Variants in OTOG observed in about 807,000 individuals in gnomAD.
The protein encoded by OTOG is otogelin.
A neutral mutation model predicts 313.8 loss-of-function variants in OTOG; 296 were observed. The observed-to-expected ratio is 0.94, with a 90% CI of 0.86 to 1.04. The LOEUF (loss-of-function observed/expected upper bound fraction) is 1.04. OTOG is among the 50% of genes least tolerant of loss of function. The pLI, the probability that OTOG is intolerant of heterozygous loss-of-function variation, is 0.00. For synonymous variants in OTOG, 1,533 were observed against 1,554.9 expected, an observed-to-expected ratio of 0.99 and a Z score of 0.33; for missense variants, 3,948 against 3,840.1, an observed-to-expected ratio of 1.03 and a Z score of -0.74.
intron 33 of OTOG, among the ~76,000 whole-genome samples, chr11:17,606,373 CT>C (rs1489938987): frequency 6.6e-6 from 1 of 152,278 alleles, no homozygotes; most frequent in Non-Finnish European, 1.5e-5. Context: ...GTCCTGCCTT[CT>C]GCCACAGGCC....
chr11:17,590,932 C>A (rs1852916457), intron 24 of OTOG, among the ~76,000 whole-genome samples: 1 of 152,226 alleles, frequency 6.6e-6, no homozygotes, highest in Admixed American at 6.5e-5. Context: ...ACCCACATTC[C>A]CAGTGACCTG....
chr11:17,607,119 G>C (rs76732718), intron 33 of OTOG, among the ~76,000 whole-genome samples: 10 of 152,242 alleles, frequency 6.6e-5, no homozygotes, highest in Admixed American at 6.5e-4. Flanking sequence ...TATTTGTCTC[G>C]GAAGTGTGCT....
At chr11:17,577,340 C>T (rs1207016813) in intron 22 of OTOG, among the ~76,000 whole-genome samples, 1 of 151,934 alleles carries the variant, frequency 6.6e-6, no homozygotes, top group Non-Finnish European at 1.5e-5. Context: ...TGAGACCCTC[C>T]TAGGCAACAG....
At position 17,548,192 on chromosome 11, in the gene OTOG, G is replaced by A. The variant is rs1488057673; in HGVS notation, c.196G>A (p.Ala66Thr). Residue 66 changes from alanine (A) to threonine (T), a missense_variant, in exon 3 of 56, where the codon GCT becomes ACT. Transcript: ENST00000399397. ...GGCGACCCTTGCCATGGGGGACAAG[G>A]CTACAGTCGTGGGAGGCCAGGTAAG... Reference protein sequence around the residue: ...QEATLAMGDKATVVGGQQAEA... With the variant: ...QEATLAMGDKTTVVGGQQAEA... 6 of 1,548,114 alleles carry A rather than the reference G, an allele frequency of 3.9e-6. No individual in the cohort carries two copies. The highest frequency in any genetic ancestry group is 4.4e-6 in the Non-Finnish European group (5 of 1,145,666).
chr11:17,581,531 C>G (rs1852665050), intron 23 of OTOG, among the ~76,000 whole-genome samples: 1 of 152,224 alleles, frequency 6.6e-6, no homozygotes, highest in South Asian at 2.1e-4. Flanking sequence ...TTGGGAGTTT[C>G]TCAACAAAAT....
At chr11:17,606,879 C>T (rs199732809) in intron 33 of OTOG, among the ~76,000 whole-genome samples, 12 of 152,312 alleles carry the variant, frequency 7.9e-5, no homozygotes, top group East Asian at 3.9e-4. Flanking sequence ...GGTCAGTTAT[C>T]GAGTCTGCCC....
chr11:17,599,628 C>T (rs1455554516), intron 30 of OTOG, 43 bp from the exon 31 acceptor site: 4 of 1,549,166 alleles, frequency 2.6e-6, no homozygotes, highest in Admixed American at 2.0e-5. Flanking sequence ...CTGTTCCAGG[C>T]TCTGGGCTGG....
intron 6 of OTOG, 23 bp from the exon 7 acceptor site, chr11:17,555,756 C>T: frequency 6.5e-7 from 1 of 1,542,418 alleles, no homozygotes; most frequent in Non-Finnish European, 8.8e-7. Context: ...GCCTGCAAAC[C>T]AGCCTCTGAA....
chr11:17,635,513 C>A, intron 46 of OTOG, 97 bp from the exon 47 acceptor site: 1 of 900,892 alleles, frequency 1.1e-6, no homozygotes, highest in Non-Finnish European at 1.8e-6. Context: ...TCCTGCCACA[C>A]CTGGGTTGTT....
At chr11:17,605,466 C>T (rs546696479) in intron 32 of OTOG, among the ~76,000 whole-genome samples, 3 of 152,224 alleles carry the variant, frequency 2.0e-5, no homozygotes, top group Non-Finnish European at 4.4e-5. Flanking sequence ...GCAACCCCAT[C>T]AGGGCAGTTG....
intron 30 of OTOG, among the ~76,000 whole-genome samples, 196 bp downstream of exon 30, chr11:17,597,203 TGAA>T (rs539776795): frequency 1.7e-3 from 257 of 152,306 alleles, no homozygotes; most frequent in African/African-American, 6.0e-3. Flanking sequence ...ATTTTACAGT[TGAA>T]GAAACAGCCT....
At chr11:17,548,527 G>C (rs1851861745) in intron 3 of OTOG, among the ~76,000 whole-genome samples, 1 of 142,586 alleles carries the variant, frequency 7.0e-6, no homozygotes, top group African/African-American at 2.6e-5. Context: ...AAAGTAGAAA[G>C]ATGGACGTTT....
At position 17,576,571 on chromosome 11, in the gene OTOG, C is replaced by A. The variant is rs1202563180; in HGVS notation, c.2502C>A (p.Cys834Ter). The A allele has an allele frequency of 6.4e-7, 1 of 1,550,464 alleles. No individual in the cohort carries two copies. Among genetic ancestry groups the A allele is most frequent in the Non-Finnish European group, 8.7e-7 (1 of 1,146,832 alleles). ...DLCVPRNQCS[C>*]HFQGVDYPPG... is the part of the protein sequence containing the mutation. ...TTTTTTATAGGAACCAGTGCTCCTG[C>A]CACTTCCAGGGAGTGGACTATCCCC... Residue 834 changes from cysteine to a stop codon, truncating the protein, a stop_gained, in exon 21 of 56, where the codon TGC becomes TGA. Transcript: ENST00000399397. LOFTEE classifies it high-confidence loss of function.
chr11:17,555,572 T>A (rs2134001986), intron 6 of OTOG: 1 of 473,208 alleles, frequency 2.1e-6, no homozygotes, highest in East Asian at 3.2e-5. Flanking sequence ...TTTCCTAGTT[T>A]TCTGTGTGTG....
rs1318684484 is a variant in OTOG, at chr11:17,578,376, C to A, written c.2609C>A (p.Ala870Asp). 6.6e-7 allele frequency: 1 copy of A among 1,508,080 alleles called. No individual in the cohort carries two copies. The highest frequency in any genetic ancestry group is 1.4e-5 in the African/African-American group (1 of 72,120). 93.4% of individuals were successfully genotyped at this position (1,508,080 alleles called of 1,614,324 possible). A position where few individuals can be genotyped will look rare whatever the true frequency, so the allele number is the denominator to read the frequency against. Reference sequence around the variant, plus strand: ...CTCCCATCTTCTTCTCTTCCAGCTGCTGCCTGCCCAGCAGGCCAGGTCTTC... The same window carrying A: ...CTCCCATCTTCTTCTCTTCCAGCTGATGCCTGCCCAGCAGGCCAGGTCTTC... ...VMSCDSRAPA[A>D]ACPAGQVFVN... The change falls in exon 23 of 56, where the codon GCT becomes GAT. Residue 870 changes from alanine (A) to aspartate (D), a missense_variant. Transcript: ENST00000399397.
intron 18 of OTOG, 145 bp downstream of exon 18, chr11:17,572,349 A>C: frequency 5.0e-6 from 6 of 1,207,404 alleles, no homozygotes; most frequent in Non-Finnish European, 6.8e-6. Context: ...AGGGAGGGGA[A>C]AGGAGAGACA....
At chr11:17,589,751 G>A (rs538821618) in intron 24 of OTOG, among the ~76,000 whole-genome samples, 2 of 152,038 alleles carry the variant, frequency 1.3e-5, no homozygotes, top group African/African-American at 2.4e-5. Flanking sequence ...AGCCCTTTCG[G>A]TCAGGCATTT....
At chr11:17,602,538 TCTC>T (rs1326964569) in intron 32 of OTOG, among the ~76,000 whole-genome samples, 161 bp downstream of exon 32, 2 of 152,006 alleles carry the variant, frequency 1.3e-5, no homozygotes, top group Non-Finnish European at 2.9e-5. Context: ...GTCAGCTTCT[TCTC>T]CTCTGCAGAG....
intron 25 of OTOG, among the ~76,000 whole-genome samples, chr11:17,592,706 T>C (rs957464189): frequency 6.6e-6 from 1 of 152,092 alleles, no homozygotes; most frequent in African/African-American, 2.4e-5. Context: ...TGCCCTCGAG[T>C]TTGCTTTATT....
Sources: gnomAD v4.1 joint callset for allele counts (sites outside exome capture counted in the v4.1 genomes callset) on GRCh38, gnomAD v4.1.1 for gene constraint, MANE v1.5 for transcripts, NCBI Gene and HGNC (gene_info 2026-07-23, HGNC 2026-07-21) for gene names.